Variants in LRMDA observed in about 807,000 individuals in gnomAD.
LRMDA encodes leucine rich melanocyte differentiation associated.
A neutral mutation model predicts 29.8 loss-of-function variants in LRMDA; 18 were observed. The ratio of observed to expected loss-of-function variants is 0.60; its 90% confidence interval spans 0.42 to 0.90. The LOEUF is 0.90. LRMDA is among the 40% of genes least tolerant of loss of function. The pLI, the probability that LRMDA is intolerant of heterozygous loss-of-function variation, is 0.00. For missense variants in LRMDA, 273 were observed against 273.9 expected, an observed-to-expected ratio of 1.00 and a Z score of 0.02; for synonymous variants, 125 against 109.4, an observed-to-expected ratio of 1.14 and a Z score of -0.89.
intron 2 of LRMDA, among the ~76,000 whole-genome samples, chr10:75,795,907 T>C (rs1477688081): frequency 6.6e-6 from 1 of 152,212 alleles, no homozygotes; most frequent in East Asian, 1.9e-4. Flanking sequence ...TTTGTGTTTT[T>C]TTAGTGGAGG....
At chr10:76,167,864 T>C (rs1189194695) in intron 5 of LRMDA, among the ~76,000 whole-genome samples, 1 of 152,222 alleles carries the variant, frequency 6.6e-6, no homozygotes, top group African/African-American at 2.4e-5. Flanking sequence ...ATTTTCATGA[T>C]ATTGATTTTT....
intron 5 of LRMDA, among the ~76,000 whole-genome samples, chr10:76,275,826 TTATATTAAC>T (rs1589406181): frequency 1.3e-5 from 2 of 152,306 alleles, no homozygotes; most frequent in African/African-American, 4.8e-5. Context: ...CCTCTTCTCT[TTATATTAAC>T]ACCATATACA....
chr10:76,249,468 C>T (rs908755880), intron 5 of LRMDA, among the ~76,000 whole-genome samples: 4 of 152,158 alleles, frequency 2.6e-5, no homozygotes, highest in Admixed American at 6.5e-5. Context: ...TGCAGAACTC[C>T]GATGGCACCC....
chr10:76,254,348 CCT>C (rs1852546620), intron 5 of LRMDA, among the ~76,000 whole-genome samples: 1 of 38,912 alleles, frequency 2.6e-5, no homozygotes, highest in African/African-American at 1.2e-4. Flanking sequence ...ACCATCCTAT[CCT>C]ATCCTATCCT....
rs553914244 is a variant in LRMDA at position 76,432,178 on chromosome 10, T to C, written c.601+107693T>C. ...CTTTCCCTGTATTTTAGTTCCAGTG[T>C]GTATAAAAGTGAAAGCTGAACTTTC... On this transcript the variant is annotated intron_variant, in intron 6 of 6. Transcript: ENST00000611255. Among the ~76,000 whole-genome samples, 23 of 152,254 alleles carry C rather than the reference T, an allele frequency of 1.5e-4. 1 individual carries two copies. The highest frequency in any genetic ancestry group is 5.3e-4 in the African/African-American group (22 of 41,546).
At chr10:76,345,364 G>T (rs937406536) in intron 6 of LRMDA, among the ~76,000 whole-genome samples, 1 of 150,428 alleles carries the variant, frequency 6.6e-6, no homozygotes. Flanking sequence ...GAGCCACCGC[G>T]CCCGGCCCAC....
intron 5 of LRMDA, among the ~76,000 whole-genome samples, chr10:76,126,840 A>G (rs1329863704): frequency 6.6e-6 from 1 of 152,188 alleles, no homozygotes; most frequent in African/African-American, 2.4e-5. Flanking sequence ...GGAATAAGAA[A>G]AGAACAATCT....
intron 2 of LRMDA, among the ~76,000 whole-genome samples, chr10:75,632,536 T>TAA (rs1841336732): frequency 6.6e-6 from 1 of 152,180 alleles, no homozygotes; most frequent in Admixed American, 6.5e-5. Flanking sequence ...GTTTAGCGTT[T>TAA]AGAGAAATAT....
intron 2 of LRMDA, among the ~76,000 whole-genome samples, chr10:75,471,765 T>C (rs1369209153): frequency 6.6e-6 from 1 of 152,232 alleles, no homozygotes; most frequent in Non-Finnish European, 1.5e-5. Context: ...TCTAATTTCT[T>C]TGATGTTGGA....
At chr10:75,448,325 C>G (rs1206545344) in intron 2 of LRMDA, among the ~76,000 whole-genome samples, 1 of 152,198 alleles carries the variant, frequency 6.6e-6, no homozygotes, top group East Asian at 1.9e-4. Context: ...AAGTCTCTCT[C>G]TCTCCCTGAG....
chr10:76,317,372 G>C (rs116207371), intron 5 of LRMDA, among the ~76,000 whole-genome samples: 4 of 151,824 alleles, frequency 2.6e-5, no homozygotes, highest in Non-Finnish European at 5.9e-5. Flanking sequence ...TCCTCAACTC[G>C]TATTTTTCCT....
rs10664076 is a variant in LRMDA, at chr10:75,697,850, T to TGTGTGTGTGTGCGCGC, written c.131+259357_131+259358insTGTGTGTGTGCGCGCG. Among the ~76,000 whole-genome samples, 579 of 151,692 alleles carry TGTGTGTGTGTGCGCGC rather than the reference T, an allele frequency of 3.8e-3. 2 individuals carry two copies. The highest frequency in any genetic ancestry group is 0.01 in the Middle Eastern group (3 of 292). On this transcript the variant is annotated intron_variant, in intron 2 of 6. Coordinates refer to ENST00000611255, the MANE Select transcript of LRMDA (RefSeq NM_001305581.2). Reference sequence around the variant, plus strand: ...GCATGTAAGAGTGTGTGTGTGTGTGTGCGTGTGTGTGTGTGTCTCATTCGC... The same window carrying TGTGTGTGTGTGCGCGC: ...GCATGTAAGAGTGTGTGTGTGTGTGTGTGTGTGTGTGCGCGCGCGTGTGTGTGTGTGTCTCATTCGC...
chr10:76,220,228 A>G (rs1227583473), intron 5 of LRMDA, among the ~76,000 whole-genome samples: 1 of 152,202 alleles, frequency 6.6e-6, no homozygotes, highest in Non-Finnish European at 1.5e-5. Flanking sequence ...AAGAGCAAAC[A>G]CATTCAAAAG....
chr10:75,946,902 T>C (rs1367426458), intron 2 of LRMDA, among the ~76,000 whole-genome samples: 1 of 152,118 alleles, frequency 6.6e-6, no homozygotes, highest in Non-Finnish European at 1.5e-5. Context: ...AAGAAACCTT[T>C]CAAGACTTCT....
intron 2 of LRMDA, among the ~76,000 whole-genome samples, chr10:75,932,010 G>C (rs1846213266): frequency 6.6e-6 from 1 of 152,202 alleles, no homozygotes. Context: ...GGTTCATGAA[G>C]TCAGTTTTGC....
chr10:75,724,546 C>T (rs1005962349), intron 2 of LRMDA, among the ~76,000 whole-genome samples: 2 of 152,140 alleles, frequency 1.3e-5, no homozygotes, highest in Non-Finnish European at 2.9e-5. Context: ...TTGACTTAAG[C>T]AATGGCGTGG....
At chr10:76,185,252 A>G (rs1018689048) in intron 5 of LRMDA, among the ~76,000 whole-genome samples, 2 of 152,152 alleles carry the variant, frequency 1.3e-5, no homozygotes, top group Non-Finnish European at 2.9e-5. Context: ...TAGAGTTCAC[A>G]AGGCTTCATG....
At chr10:76,411,780 G>A (rs1841963897) in intron 6 of LRMDA, among the ~76,000 whole-genome samples, 1 of 152,244 alleles carries the variant, frequency 6.6e-6, no homozygotes, top group South Asian at 2.1e-4. Flanking sequence ...CTCAGCACCA[G>A]GCTGGGAAGC....
intron 2 of LRMDA, among the ~76,000 whole-genome samples, chr10:75,917,893 C>T (rs911139159): frequency 6.6e-6 from 1 of 152,132 alleles, no homozygotes; most frequent in African/African-American, 2.4e-5. Context: ...GAGCAGCATC[C>T]TGCAGGGAAG....
Sources: allele counts gnomAD v4.1 joint callset (sites outside exome capture counted in the v4.1 genomes callset), GRCh38; gene constraint gnomAD v4.1.1; transcripts MANE v1.5; gene names NCBI Gene and HGNC (gene_info 2026-07-23, HGNC 2026-07-21).